Variants in LRP1B observed in about 807,000 individuals in gnomAD.
LRP1B encodes low-density lipoprotein receptor-related protein 1B.
A neutral mutation model predicts 556.6 loss-of-function variants in LRP1B; 217 were observed. The ratio of observed to expected loss-of-function variants is 0.39; its 90% CI spans 0.35 to 0.44. The LOEUF (loss-of-function observed/expected upper bound fraction) is 0.44. Among genes scored for constraint, LRP1B ranks in the 20% least tolerant of loss-of-function variants. LRP1B has a pLI of 1.00. For synonymous variants in LRP1B, 2,047 were observed against 1,865.8 expected (o/e 1.10, Z -2.50); for missense variants, 5,053 against 5,620.8 (o/e 0.90, Z 3.23).
In LRP1B at chr2:141,459,254, T is replaced by G. The variant is rs929257767; in HGVS notation, c.343+21142A>C. Among the ~76,000 whole-genome samples, 3 of 152,088 alleles carry G rather than the reference T, an allele frequency of 2.0e-5. No individual in the cohort carries two copies. In the East Asian group the frequency reaches 5.8e-4, roughly 29 times the overall value. The stretch of plus-strand genomic sequence containing the variant: ...TCAAACACACACACGTGTATGTATA[T>G]GTGTGTGACCTTTACAAGGTCATTT... On this transcript the variant is annotated intron_variant, in intron 3 of 90. Coordinates refer to ENST00000389484, the MANE Select transcript of LRP1B (RefSeq NM_018557.3).
rs749724187 is a variant in LRP1B at position 140,601,649 on chromosome 2, G to T, written c.6800-10C>A. On this transcript the variant is annotated splice_polypyrimidine_tract_variant and intron_variant, in intron 41 of 90. Coordinates refer to ENST00000389484, the MANE Select transcript of LRP1B (RefSeq NM_018557.3). ...TCCACAGAACCCACATCTAGTGGGG[G>T]AAGAAAAAGAAAAAATATATACTTT... 7.0e-5 allele frequency: 107 copies of T among 1,531,956 alleles called. No homozygotes were observed. The highest frequency in any genetic ancestry group is 9.2e-5 in the Non-Finnish European group (104 of 1,134,248). 94.9% of individuals were successfully genotyped at this position (1,531,956 alleles called of 1,614,324 possible). A position where few individuals can be genotyped will look rare whatever the true frequency, so the allele number is the denominator to read the frequency against.
intron 2 of LRP1B, chr2:141,805,721 T>A (rs995801268): frequency 2.0e-5 from 3 of 152,116 alleles, no homozygotes; most frequent in African/African-American, 7.2e-5. Context: ...GAGATTTTGT[T>A]TTCTTCCTCC....
intron 35 of LRP1B, among the ~76,000 whole-genome samples, chr2:140,720,022 G>A (rs1300267250): frequency 6.6e-6 from 1 of 151,998 alleles, no homozygotes; most frequent in Non-Finnish European, 1.5e-5. Context: ...CAGGTTGAAG[G>A]AGGATAACAT....
chr2:141,922,063 G>T (rs145753627), intron 1 of LRP1B, among the ~76,000 whole-genome samples: 2 of 152,120 alleles, frequency 1.3e-5, no homozygotes, highest in East Asian at 3.9e-4. Flanking sequence ...GTATGGAAAA[G>T]AATCTAAAGA....
chr2:141,741,088 G>A (rs1693682077), intron 2 of LRP1B, among the ~76,000 whole-genome samples: 1 of 151,962 alleles, frequency 6.6e-6, no homozygotes, highest in African/African-American at 2.4e-5. Context: ...TGCTGCAAAT[G>A]ACAGGATCTC....
In LRP1B at chr2:141,528,356, A is replaced by G. The variant is rs188448217; in HGVS notation, c.206-47823T>C. Among the ~76,000 whole-genome samples, 508 of 152,096 alleles carry G rather than the reference A, an allele frequency of 3.3e-3. 6 individuals carry two copies. The highest frequency in any genetic ancestry group is 0.01 in the African/African-American group (417 of 41,508). The stretch of plus-strand genomic sequence containing the variant: ...TGGACAAGTTGTGTTACTAAAAAGC[A>G]TATCACTACATTGCTATTCATAGAA... On this transcript the variant is annotated intron_variant, in intron 2 of 90. Coordinates refer to ENST00000389484, the MANE Select transcript of LRP1B (RefSeq NM_018557.3).
intron 7 of LRP1B, among the ~76,000 whole-genome samples, chr2:141,088,945 A>G (rs1700111110): frequency 6.6e-6 from 1 of 152,234 alleles, no homozygotes; most frequent in Non-Finnish European, 1.5e-5. Context: ...GACCTTAAAA[A>G]AATAAAAACA....
At chr2:141,826,324 C>T (rs1245315403) in intron 1 of LRP1B, among the ~76,000 whole-genome samples, 2 of 149,248 alleles carry the variant, frequency 1.3e-5, no homozygotes, top group Non-Finnish European at 3.0e-5. Context: ...TATGATAGAC[C>T]ATTATATGAC....
chr2:140,826,100 T>C (rs1313481079), intron 31 of LRP1B, among the ~76,000 whole-genome samples: 1 of 152,228 alleles, frequency 6.6e-6, no homozygotes, highest in African/African-American at 2.4e-5. Context: ...CTTCAGCTCC[T>C]GCCTGAGAGT....
chr2:140,486,347 AC>A (rs1396978426), intron 58 of LRP1B, among the ~76,000 whole-genome samples: 8 of 152,016 alleles, frequency 5.3e-5, no homozygotes, highest in Non-Finnish European at 1.5e-5. Context: ...CACATTTGTA[AC>A]AATAAATGAT....
chr2:140,262,744 A>C (rs532044984), intron 86 of LRP1B, among the ~76,000 whole-genome samples: 2 of 152,212 alleles, frequency 1.3e-5, no homozygotes, highest in East Asian at 3.9e-4. Flanking sequence ...ACTCTCCTCT[A>C]CTATGTCCCT....
At chr2:140,981,111 G>A (rs1296224175) in intron 18 of LRP1B, among the ~76,000 whole-genome samples, 2 of 151,592 alleles carry the variant, frequency 1.3e-5, no homozygotes, top group East Asian at 3.9e-4. Flanking sequence ...GCTGTAAAGG[G>A]GGTAGAGGAT....
chr2:141,486,807 G>GCAA (rs1559099209), intron 2 of LRP1B, among the ~76,000 whole-genome samples: 6 of 152,066 alleles, frequency 3.9e-5, no homozygotes, highest in Admixed American at 1.3e-4. Context: ...TTTGCCTACT[G>GCAA]AAAAAATTTA....
chr2:141,374,616 C>T (rs13408413), intron 3 of LRP1B, among the ~76,000 whole-genome samples: 6,751 of 152,076 alleles, frequency 0.044, 504 homozygotes, highest in African/African-American at 0.15. Flanking sequence ...TTTAAAAGGA[C>T]ACATCTTCAA....
chr2:140,283,573 T>A (rs1460450346), intron 84 of LRP1B, among the ~76,000 whole-genome samples: 2 of 151,748 alleles, frequency 1.3e-5, no homozygotes, highest in Non-Finnish European at 2.9e-5. Context: ...CATCTCTAAG[T>A]GTCCAGGGAG....
chr2:140,998,460 G>T (rs1697318077), intron 15 of LRP1B, among the ~76,000 whole-genome samples: 1 of 151,958 alleles, frequency 6.6e-6, no homozygotes, highest in African/African-American at 2.4e-5. Flanking sequence ...CATGTTGAGA[G>T]AAATATAAAG....
chr2:140,715,913 TCAATAGAA>T, intron 37 of LRP1B, 52 bp downstream of exon 37: 1 of 1,366,968 alleles, frequency 7.3e-7, no homozygotes. Flanking sequence ...TAGTTTTTTT[TCAATAGAA>T]CTTAGAAAAC....
chr2:141,007,679 A>T (rs181136897), intron 14 of LRP1B, among the ~76,000 whole-genome samples: 66 of 151,854 alleles, frequency 4.3e-4, no homozygotes, highest in Non-Finnish European at 8.4e-4. Flanking sequence ...GGAAAATTAG[A>T]ATTAATTCAA....
chr2:140,371,270 G>T lies in LRP1B; in HGVS notation c.10784C>A (p.Ser3595Ter). 6.4e-7 allele frequency: 1 copy of T among 1,567,414 alleles called. No homozygotes were observed. The highest frequency in any genetic ancestry group is 1.2e-5 in the South Asian group (1 of 82,898). The change falls in exon 70 of 91, where the codon TCA becomes TAA. Residue 3595 changes from serine (S) to a stop codon, truncating the protein, a stop_gained. Transcript: ENST00000389484. LOFTEE classifies it high-confidence loss of function. ...KSCEPASPTC[S>*]SREYICASDG... ...ACTGGCACATATATATTCACGTGAT[G>T]AGCAAGTAGGAGAAGCTGAATACAA...
Sources: allele counts gnomAD v4.1 joint callset (sites outside exome capture counted in the v4.1 genomes callset), GRCh38; gene constraint gnomAD v4.1.1; transcripts MANE v1.5; gene names NCBI Gene and HGNC (gene_info 2026-07-23, HGNC 2026-07-21).